The following FUOM variants were observed in gnomAD, a reference collection of about 807,000 sequenced individuals.
The protein encoded by FUOM is protein fucU homolog.
In FUOM, 19 loss-of-function variants were observed where a neutral mutation model predicts 18.3. The observed-to-expected ratio is 1.04, with a 90% CI of 0.73 to 1.53. The LOEUF (loss-of-function observed/expected upper bound fraction) is 1.53, where lower values mean the gene tolerates loss of function less well. Ranked by LOEUF, FUOM falls within the 40% of genes most tolerant of loss-of-function variation. The pLI, the probability that FUOM is intolerant of heterozygous loss-of-function variation, is 0.00. For synonymous variants in FUOM, 102 were observed against 87.9 expected, an observed-to-expected ratio of 1.16 and a Z score of -0.90; for missense variants, 210 against 200.9, an observed-to-expected ratio of 1.04 and a Z score of -0.27.
At chr10:133,357,346 T>C (rs976019473) in intron 1 of FUOM, 91 bp from the exon 2 acceptor site, 28 of 1,319,200 alleles carry the variant, frequency 2.1e-5, no homozygotes, top group Non-Finnish European at 2.9e-5. Flanking sequence ...TGGCGGCAGA[T>C]CGTGGGTCAC....
rs1374965636 is a variant in FUOM at position 133,357,195 on chromosome 10, C to T, written c.146G>A (p.Arg49His). 4.4e-6 allele frequency: 7 copies of T among 1,576,444 alleles called. No homozygotes were observed. Among genetic ancestry groups the T allele is most frequent in the South Asian group, 1.2e-5 (1 of 85,828 alleles). ...SICQCGPMEI[R>H]ADGLGIPQLL... ...ACCTGGGGCTCGCTCACCGTCTGCA[C>T]GGATCTCCATGGGCCCACACTGGCA... Residue 49 changes from arginine (R) to histidine (H), a missense_variant, in exon 2 of 6, where the codon CGT becomes CAT. Arg to His is a conservative substitution (Grantham distance 29, BLOSUM62 0). Coordinates refer to ENST00000278025, the MANE Select transcript of FUOM (RefSeq NM_001098483.3).
chr10:133,354,535 C>A (rs1233788378), downstream of FUOM, among the ~76,000 whole-genome samples: 1 of 152,162 alleles, frequency 6.6e-6, no homozygotes, highest in Non-Finnish European at 1.5e-5. Context: ...CCAGCCCTGC[C>A]CCATCTTCTT....
chr10:133,355,446 A>G lies in FUOM; in HGVS notation c.399-10T>C. The G allele has an allele frequency of 1.2e-6, 2 of 1,609,810 alleles. No individual in the cohort carries two copies. Among genetic ancestry groups the G allele is most frequent in the Non-Finnish European group, 1.7e-6 (2 of 1,178,784 alleles). On this transcript the variant is annotated splice_polypyrimidine_tract_variant and intron_variant, in intron 5 of 5. Coordinates refer to ENST00000278025, the MANE Select transcript of FUOM (RefSeq NM_001098483.3). The stretch of plus-strand genomic sequence containing the variant: ...GTAGAGGGCCGTCTCCCTGCAGAGG[A>G]GCCAAGCCCAGCACTGAGCTGGGCT...
Position 133,355,247 on chromosome 10 carries a change from C to T in FUOM, c.*123G>A. 1.8e-6 allele frequency: 2 copies of T among 1,107,454 alleles called. No individual in the cohort carries two copies. Among genetic ancestry groups the T allele is most frequent in the Non-Finnish European group, 2.5e-6 (2 of 796,846 alleles). The allele number at this position is 1,107,454 out of a possible 1,614,324, so 68.6% of individuals were successfully genotyped here. On this transcript the variant is annotated 3_prime_UTR_variant, in exon 6 of 6. Transcript: ENST00000278025. ...GCAGGGCCCACCCCAAGACTGCCGG[C>T]CCCTAGAGCCCTGGCCAGGGCCCAG... is the stretch of plus-strand genomic sequence containing the variant.
intron 1 of FUOM, 105 bp downstream of exon 1, chr10:133,357,818 C>G: frequency 2.3e-6 from 2 of 882,910 alleles, no homozygotes; most frequent in Non-Finnish European, 3.3e-6. Flanking sequence ...CGAGCAACGC[C>G]CACACCCCAG....
At chr10:133,357,514 C>T in intron 1 of FUOM, 1 of 569,726 alleles carries the variant, frequency 1.8e-6, no homozygotes, top group African/African-American at 1.9e-5. Context: ...CGGGTGCTGA[C>T]CAGGCCAGGG....
intron 5 of FUOM, 26 bp from the exon 6 acceptor site, chr10:133,355,462 G>A: frequency 6.2e-7 from 1 of 1,608,944 alleles, no homozygotes; most frequent in South Asian, 1.1e-5. Flanking sequence ...GCCCAGCACT[G>A]AGCTGGGCTG....
At chr10:133,355,016 ACCAGGCACCCCGCCCAGTCCCCAGGGCC>A (rs1848740880), downstream of FUOM, 3 of 291,220 alleles carry the variant, frequency 1.0e-5, no homozygotes, top group South Asian at 9.8e-5. Context: ...TCCCCAGGGC[ACCAGGCACCCCGCCCAGTCCCCAGGGCC>A]CCAGGCCTGA....
intron 3 of FUOM, 36 bp downstream of exon 3, chr10:133,356,907 C>A (rs1248386578): frequency 6.5e-7 from 1 of 1,538,904 alleles, no homozygotes; most frequent in Admixed American, 2.0e-5. Flanking sequence ...AACTGAGGCA[C>A]GGAGCAGCAG....
In FUOM at chr10:133,355,812, C is replaced by G. The variant is rs1457937792; in HGVS notation, c.325-1G>C. On this transcript the variant is annotated splice_acceptor_variant, in intron 4 of 5. Transcript: ENST00000278025. LOFTEE classifies it high-confidence loss of function. ...ACCTCTCTATCTTTGCCAGGGCTCT[C>G]TGGAAGACAAAATGGCAGGGTTGGA... The G allele has an allele frequency of 2.5e-6, 4 of 1,612,588 alleles. No homozygotes were observed. Among genetic ancestry groups the G allele is most frequent in the Non-Finnish European group, 2.5e-6 (3 of 1,179,744 alleles).
At chr10:133,356,794 T>C (rs1848816080) in intron 3 of FUOM, 56 bp from the exon 4 acceptor site, 1 of 1,473,560 alleles carries the variant, frequency 6.8e-7, no homozygotes, top group Admixed American at 2.2e-5. Context: ...CCTGGTCAGG[T>C]GACCATTCGG....
downstream of FUOM, among the ~76,000 whole-genome samples, chr10:133,352,967 G>A (rs922316207): frequency 6.6e-6 from 1 of 152,210 alleles, no homozygotes; most frequent in Non-Finnish European, 1.5e-5. Flanking sequence ...GCTCCCAGAA[G>A]GTTGCACTAC....
At chr10:133,355,863 G>C in intron 4 of FUOM, 52 bp from the exon 5 acceptor site, 1 of 1,484,700 alleles carries the variant, frequency 6.7e-7, no homozygotes, top group East Asian at 2.3e-5. Flanking sequence ...AAACCCTCAT[G>C]GGCCAGCCCT....
chr10:133,357,346 TC>T, intron 1 of FUOM, 91 bp from the exon 2 acceptor site: 1 of 1,319,318 alleles, frequency 7.6e-7, no homozygotes, highest in African/African-American at 1.5e-5. Flanking sequence ...TGGCGGCAGA[TC>T]GTGGGTCACA....
rs907901223 is a variant in FUOM at position 133,357,951 on chromosome 10, C to A, written c.57G>T (p.Leu19=). The change falls in exon 1 of 6, where the codon CTG becomes CTT. Residue 19 remains leucine, a synonymous_variant. Coordinates refer to ENST00000278025, the MANE Select transcript of FUOM (RefSeq NM_001098483.3). Reference sequence around the variant, plus strand: ...TCTCGTCCCCGTGCCCCATCCGCGCCAGCGCGTAGAGCAGCTCGGGGGACA... The same window carrying A: ...TCTCGTCCCCGTGCCCCATCCGCGCAAGCGCGTAGAGCAGCTCGGGGGACA... ...ALLSPELLYA[L]ARMGHGDEIV... 6.6e-7 allele frequency: 1 copy of A among 1,526,516 alleles called. No individual in the cohort carries two copies. Among genetic ancestry groups the A allele is most frequent in the African/African-American group, 1.4e-5 (1 of 70,222 alleles). 94.6% of individuals were successfully genotyped at this position (1,526,516 alleles called of 1,614,324 possible).
chr10:133,357,953 G>A lies in FUOM; in HGVS notation c.55C>T (p.Leu19=). The change falls in exon 1 of 6, where the codon CTG becomes TTG. Residue 19 remains leucine (L), a synonymous_variant. Transcript: ENST00000278025. ...ALLSPELLYA[L]ARMGHGDEIV... ...TCGTCCCCGTGCCCCATCCGCGCCA[G>A]CGCGTAGAGCAGCTCGGGGGACAGC... The A allele has an allele frequency of 6.6e-7, 1 of 1,526,008 alleles. No homozygotes were observed. Among genetic ancestry groups the A allele is most frequent in the Non-Finnish European group, 8.8e-7 (1 of 1,140,368 alleles). 94.5% of individuals were successfully genotyped at this position (1,526,008 alleles called of 1,614,324 possible). A position where few individuals can be genotyped will look rare whatever the true frequency, so the allele number is the denominator to read the frequency against.
At chr10:133,357,069 C>T in intron 2 of FUOM, 56 bp from the exon 3 acceptor site, 1 of 1,541,574 alleles carries the variant, frequency 6.5e-7, no homozygotes, top group Non-Finnish European at 8.8e-7. Context: ...GCCTGCCTGT[C>T]TGCACCCTTC....
intron 4 of FUOM, 44 bp from the exon 5 acceptor site, chr10:133,355,855 A>C: frequency 6.6e-7 from 1 of 1,522,172 alleles, no homozygotes; most frequent in Non-Finnish European, 9.1e-7. Context: ...CTGCCAAGAA[A>C]CCCTCATGGG....
intron 3 of FUOM, 90 bp downstream of exon 3, chr10:133,356,853 C>T: frequency 8.2e-6 from 12 of 1,468,728 alleles, no homozygotes; most frequent in South Asian, 1.3e-5. Flanking sequence ...ATGGCTTCCC[C>T]CCACTCCAAG....
Sources: allele counts gnomAD v4.1 joint callset (sites outside exome capture counted in the v4.1 genomes callset), GRCh38; gene constraint gnomAD v4.1.1; transcripts MANE v1.5; gene names NCBI Gene and HGNC (gene_info 2026-07-23, HGNC 2026-07-21).